Variants in CSMD2 observed in about 807,000 individuals in gnomAD.
CSMD2 encodes CUB and sushi domain-containing protein 2.
CSMD2 carries 130 observed loss-of-function variants against 398.5 expected under a neutral mutation model. That is an observed-to-expected ratio of 0.33 (90% CI 0.28 to 0.38). The LOEUF (loss-of-function observed/expected upper bound fraction) is 0.38. CSMD2 is among the 10% of genes least tolerant of loss of function. The pLI is 1.00. For synonymous variants in CSMD2, 1,828 were observed against 1,908.5 expected (o/e 0.96, Z 1.10); for missense variants, 3,829 against 4,764.9 (o/e 0.80, Z 5.78).
chr1:33,843,818 C>G (rs1661094474), intron 6 of CSMD2, among the ~76,000 whole-genome samples: 1 of 152,210 alleles, frequency 6.6e-6, no homozygotes. Context: ...GCCCTGGCTA[C>G]TATGGATCCC....
chr1:33,541,077 T>C (rs753710462), intron 59 of CSMD2, 53 bp downstream of exon 59: 6 of 1,572,874 alleles, frequency 3.8e-6, no homozygotes, highest in Non-Finnish European at 5.2e-6. Context: ...GGCCTACATC[T>C]CACTTTTGTA....
intron 10 of CSMD2, among the ~76,000 whole-genome samples, chr1:33,799,385 C>A (rs2124913389): frequency 6.6e-6 from 1 of 152,326 alleles, no homozygotes; most frequent in African/African-American, 2.4e-5. Flanking sequence ...CCAGGGCCAA[C>A]CCACAAGGGT....
chr1:33,733,664 AG>A, intron 15 of CSMD2, among the ~76,000 whole-genome samples: 1 of 152,256 alleles, frequency 6.6e-6, no homozygotes, highest in Admixed American at 6.5e-5. Context: ...CTGTCATGAT[AG>A]TGAGTCGCAG....
chr1:33,535,794 G>A (rs756250613), intron 62 of CSMD2, among the ~76,000 whole-genome samples: 13 of 152,084 alleles, frequency 8.5e-5, no homozygotes, highest in African/African-American at 2.4e-4. Flanking sequence ...CCAGCCCTTC[G>A]TTCAGCCAGG....
intron 28 of CSMD2, among the ~76,000 whole-genome samples, chr1:33,649,020 G>C (rs564385763): frequency 6.6e-6 from 1 of 152,320 alleles, no homozygotes; most frequent in Admixed American, 6.5e-5. Context: ...TTTATGTTGA[G>C]TAATAAAGTT....
rs1291777905 is a variant in CSMD2, at chr1:34,164,395, G to A, written c.187+516C>T. ...CAGTCTGCAGTCGGTTCCAGAGGGG[G>A]CACCGGTTTCAATTGGAGAAAATGG... On this transcript the variant is annotated intron_variant, in intron 1 of 70. Coordinates refer to ENST00000373381, the MANE Select transcript of CSMD2 (RefSeq NM_001281956.2). This position sits in a 1 kb window ranked among gnomAD's most constrained non-coding sequence, Gnocchi z 6.2. Among the ~76,000 whole-genome samples the A allele has an allele frequency of 1.3e-5, 2 of 152,070 alleles. No individual in the cohort carries two copies. The highest frequency in any genetic ancestry group is 3.9e-4 in the East Asian group (2 of 5,152).
intron 56 of CSMD2, among the ~76,000 whole-genome samples, chr1:33,546,970 A>G (rs1390772696): frequency 6.6e-6 from 1 of 152,186 alleles, no homozygotes; most frequent in Non-Finnish European, 1.5e-5. Context: ...CATGTATTGT[A>G]TATTTCCAAG....
chr1:33,538,385 G>A (rs928086306), intron 60 of CSMD2, among the ~76,000 whole-genome samples: 2 of 152,202 alleles, frequency 1.3e-5, no homozygotes, highest in African/African-American at 4.8e-5. Flanking sequence ...ATCAGGCAGT[G>A]CCATTAAAAA....
chr1:33,932,479 G>A (rs1344311791), intron 4 of CSMD2, among the ~76,000 whole-genome samples: 7 of 152,244 alleles, frequency 4.6e-5, no homozygotes, highest in South Asian at 2.1e-4. Flanking sequence ...TCAGAGAGTC[G>A]TGCCACCAAA....
At chr1:34,016,013 C>CTGTGTGTGTG (rs72213161) in intron 3 of CSMD2, among the ~76,000 whole-genome samples, 46 of 149,098 alleles carry the variant, frequency 3.1e-4, no homozygotes, top group African/African-American at 1.0e-3. Flanking sequence ...ACTCCTTGCT[C>CTGTGTGTGTG]TGTGTGTGTG....
intron 13 of CSMD2, among the ~76,000 whole-genome samples, chr1:33,767,003 G>T (rs1339013933): frequency 6.6e-6 from 1 of 152,168 alleles, no homozygotes; most frequent in African/African-American, 2.4e-5. Flanking sequence ...GTCAATTCTA[G>T]AAATTTATTC....
chr1:33,757,089 T>C (rs1481773012), intron 13 of CSMD2, among the ~76,000 whole-genome samples: 5 of 149,558 alleles, frequency 3.3e-5, no homozygotes, highest in Non-Finnish European at 7.4e-5. Flanking sequence ...TTCTCACTCA[T>C]AGGTGGGAAT....
chr1:33,557,617 G>GACAC (rs10579079), intron 55 of CSMD2, 117 bp downstream of exon 55: 19,492 of 655,934 alleles, frequency 0.03, 108 homozygotes, highest in East Asian at 0.1. Context: ...TACATGTGCA[G>GACAC]ACACACACAC....
At chr1:33,902,890 T>C (rs1177724463) in intron 5 of CSMD2, among the ~76,000 whole-genome samples, 1 of 152,074 alleles carries the variant, frequency 6.6e-6, no homozygotes, top group Non-Finnish European at 1.5e-5. Flanking sequence ...CATAGAGCAC[T>C]ATATGGACTC....
intron 1 of CSMD2, among the ~76,000 whole-genome samples, chr1:34,162,823 C>CA (rs1268417282): frequency 6.6e-6 from 1 of 152,144 alleles, no homozygotes; most frequent in East Asian, 1.9e-4. Context: ...CGCGCCATTG[C>CA]ACTCCAGCCT....
chr1:33,594,228 C>T (rs746328329), intron 44 of CSMD2, among the ~76,000 whole-genome samples: 12 of 152,176 alleles, frequency 7.9e-5, no homozygotes, highest in Non-Finnish European at 1.6e-4. Context: ...TCCGGAGTTA[C>T]AGCCACCTGG....
chr1:33,663,073 C>T lies in CSMD2; in HGVS notation c.4072G>A (p.Asp1358Asn), dbSNP rs1170689371. 6.2e-7 allele frequency: 1 copy of T among 1,614,048 alleles called. No homozygotes were observed. Among genetic ancestry groups the T allele is most frequent in the Admixed American group, 1.7e-5 (1 of 60,020 alleles). The part of the protein sequence containing the change: ...CTIGLHFLVF[D>N]TEEVHDVLRI... ...AGCACGTCGTGAACCTCCTCTGTGT[C>T]AAACACCAGGAAGTGTAGCCTGCAC... is the stretch of plus-strand genomic sequence containing the variant. Residue 1358 changes from aspartate (D) to asparagine (N), a missense_variant, in exon 26 of 71, where the codon GAC becomes AAC. Coordinates refer to ENST00000373381, the MANE Select transcript of CSMD2 (RefSeq NM_001281956.2).
intron 5 of CSMD2, among the ~76,000 whole-genome samples, chr1:33,848,687 C>T (rs1307837350): frequency 6.6e-6 from 1 of 152,138 alleles, no homozygotes; most frequent in Non-Finnish European, 1.5e-5. Flanking sequence ...GGAATATAAC[C>T]CATACCGCTA....
At chr1:33,930,710 T>C (rs1472562967) in intron 4 of CSMD2, among the ~76,000 whole-genome samples, 1 of 152,194 alleles carries the variant, frequency 6.6e-6, no homozygotes, top group Non-Finnish European at 1.5e-5. Context: ...ATCAAAGAGA[T>C]GACACAAAGC....
Sources: allele counts gnomAD v4.1 joint callset (sites outside exome capture counted in the v4.1 genomes callset), GRCh38; gene constraint gnomAD v4.1.1; non-coding constraint Gnocchi (gnomAD v3.1); transcripts MANE v1.5; gene names NCBI Gene and HGNC (gene_info 2026-07-23, HGNC 2026-07-21).